METTL5: variants seen among roughly 807,000 people sequenced by gnomAD.
METTL5 encodes the protein methyltransferase 5, N6-adenosine.
Under a neutral mutation model 26.5 loss-of-function variants are expected in METTL5, and 28 were observed. That is an observed-to-expected ratio of 1.06 (90% CI 0.78 to 1.45). The LOEUF (loss-of-function observed/expected upper bound fraction) is 1.45, where lower values mean the gene tolerates loss of function less well. Ranked by LOEUF, METTL5 falls within the 40% of genes most tolerant of loss-of-function variation. The pLI, the probability that METTL5 is intolerant of heterozygous loss-of-function variation, is 0.00. For synonymous variants in METTL5, 86 were observed against 82.6 expected (o/e 1.04, Z -0.22); for missense variants, 231 against 249.9 (o/e 0.92, Z 0.51).
At chr2:169,818,289 C>G (rs1053323501) in intron 4 of METTL5, among the ~76,000 whole-genome samples, 4 of 152,198 alleles carry the variant, frequency 2.6e-5, no homozygotes, top group Non-Finnish European at 5.9e-5. Context: ...ATTCTACTGG[C>G]AGAAGACTCC....
At chr2:169,824,405 G>C in intron 1 of METTL5, 84 bp downstream of exon 1, 1 of 1,097,288 alleles carries the variant, frequency 9.1e-7, no homozygotes, top group Non-Finnish European at 1.4e-6. Flanking sequence ...GACATTCTCT[G>C]TATCCAAATA....
chr2:169,820,129 G>T (rs2081564814), intron 3 of METTL5, among the ~76,000 whole-genome samples: 1 of 152,044 alleles, frequency 6.6e-6, no homozygotes, highest in Non-Finnish European at 1.5e-5. Context: ...GGCTCATTTT[G>T]TATTTTTAGT....
intron 4 of METTL5, among the ~76,000 whole-genome samples, chr2:169,818,951 C>T (rs2081546067): frequency 6.6e-6 from 1 of 152,124 alleles, no homozygotes; most frequent in South Asian, 2.1e-4. Context: ...ATTACCTTGA[C>T]CAAGAAAACA....
rs1470555418 is a variant in METTL5 at position 169,811,800 on chromosome 2, G to T, written c.*20C>A. The T allele has an allele frequency of 1.2e-6, 2 of 1,613,510 alleles. No individual in the cohort carries two copies. Among genetic ancestry groups the T allele is most frequent in the Non-Finnish European group, 1.7e-6 (2 of 1,179,794 alleles). On this transcript the variant is annotated 3_prime_UTR_variant, in exon 7 of 7. Transcript: ENST00000260953. ...TATTCATTTTAAATAGGTTTTAAAC[G>T]ACTTTTGTTTGCGGGGCTTTTAAAA...
At chr2:169,819,163 T>C (rs749071047) in intron 4 of METTL5, among the ~76,000 whole-genome samples, 2 of 152,248 alleles carry the variant, frequency 1.3e-5, no homozygotes, top group South Asian at 2.1e-4. Context: ...CAGATCTGTT[T>C]AGCTCCAGGC....
chr2:169,824,429 TA>T, intron 1 of METTL5, 59 bp downstream of exon 1: 1 of 1,255,454 alleles, frequency 8.0e-7, no homozygotes, highest in Admixed American at 1.7e-5. Context: ...GTTCTATTTT[TA>T]TCACAGAGTA....
chr2:169,812,763 CG>C (rs1690015535), intron 5 of METTL5: 2 of 322,018 alleles, frequency 6.2e-6, no homozygotes, highest in African/African-American at 4.3e-5. Context: ...AAACAGTGGA[CG>C]AAAAAGTAAA....
rs2081554197 is a variant in METTL5, at chr2:169,819,472, TGTG to T, written c.489+86_489+88del. ...CAAAATGGTCAGGAGAAATAGATACTGTGGTATCTAGTATTCACAGCAAATCCT... is the reference window on the plus strand; with the variant it reads ...CAAAATGGTCAGGAGAAATAGATACTGTATCTAGTATTCACAGCAAATCCT... On this transcript the variant is annotated intron_variant, in intron 4 of 6. Coordinates refer to ENST00000260953, the MANE Select transcript of METTL5 (RefSeq NM_014168.4). 3 of 898,994 alleles carry T rather than the reference TGTG, an allele frequency of 3.3e-6. No homozygotes were observed. In the Admixed American group the frequency reaches 6.8e-5, roughly 20 times the overall value. 55.7% of individuals were successfully genotyped at this position (898,994 alleles called of 1,614,324 possible).
rs1407017843 is a variant in METTL5, at chr2:169,814,474, A to AAAAAAAAAAAAG, written c.541+1002_541+1003insCTTTTTTTTTTT. Reference sequence around the variant, plus strand: ...ACAGAGCAAGGCTTTGTCTCAAAAAAAAAAAAAGAAAAAAGAAAATGAAAT... The same window carrying AAAAAAAAAAAAG: ...ACAGAGCAAGGCTTTGTCTCAAAAAAAAAAAAAAAAAGAAAAAAAGAAAAAAGAAAATGAAAT... On this transcript the variant is annotated intron_variant, in intron 5 of 6. Coordinates refer to ENST00000260953, the MANE Select transcript of METTL5 (RefSeq NM_014168.4). Among the ~76,000 whole-genome samples the AAAAAAAAAAAAG allele has an allele frequency of 1.4e-4, 21 of 149,324 alleles. No individual in the cohort carries two copies. The Middle Eastern group carries it at 0.014, about 98-fold the overall frequency.
intron 3 of METTL5, among the ~76,000 whole-genome samples, chr2:169,819,954 T>C (rs546925023): frequency 7.3e-6 from 1 of 136,946 alleles, no homozygotes; most frequent in African/African-American, 2.7e-5. Flanking sequence ...CAGGGTACTT[T>C]TTAAACTATG....
intron 3 of METTL5, among the ~76,000 whole-genome samples, 191 bp downstream of exon 3, chr2:169,820,901 G>GTGTA (rs2081574684): frequency 2.0e-5 from 3 of 151,974 alleles, no homozygotes; most frequent in Admixed American, 2.0e-4. Context: ...GTGTGTGTGT[G>GTGTA]TGTGTGTGGG....
At chr2:169,816,141 G>A (rs2081502858) in intron 4 of METTL5, among the ~76,000 whole-genome samples, 1 of 152,116 alleles carries the variant, frequency 6.6e-6, no homozygotes, top group African/African-American at 2.4e-5. Context: ...GATGTGTAAT[G>A]TTCTCATATG....
intron 4 of METTL5, among the ~76,000 whole-genome samples, chr2:169,818,937 C>G (rs552219264): frequency 2.0e-5 from 3 of 152,272 alleles, no homozygotes; most frequent in Non-Finnish European, 4.4e-5. Context: ...GATGATGAAA[C>G]TCAATTACCT....
chr2:169,821,659 T>A (rs1285315496), intron 2 of METTL5, among the ~76,000 whole-genome samples: 1 of 152,220 alleles, frequency 6.6e-6, no homozygotes, highest in Admixed American at 6.5e-5. Flanking sequence ...GTGTTGGGAT[T>A]ACAGGCATGA....
intron 2 of METTL5, 125 bp downstream of exon 2, chr2:169,821,818 C>T: frequency 1.4e-6 from 1 of 707,588 alleles, no homozygotes; most frequent in Non-Finnish European, 2.3e-6. Flanking sequence ...AAAATGTATT[C>T]AGTATCAGAT....
chr2:169,813,629 C>T (rs59613355), intron 5 of METTL5, among the ~76,000 whole-genome samples: 3,463 of 150,956 alleles, frequency 0.023, 124 homozygotes, highest in African/African-American at 0.079. Context: ...CCAAGGCGGG[C>T]GGATGACCTG....
intron 1 of METTL5, 64 bp downstream of exon 1, chr2:169,824,425 T>C (rs2081625008): frequency 3.2e-6 from 4 of 1,249,694 alleles, no homozygotes; most frequent in Non-Finnish European, 3.5e-6. Flanking sequence ...AACTGTTCTA[T>C]TTTTATCACA....
At position 169,824,452 on chromosome 2, in the gene METTL5, C is replaced by CGCCGAAA. The variant is rs752004365; in HGVS notation, c.109+30_109+36dup. 3 of 1,451,970 alleles carry CGCCGAAA rather than the reference C, an allele frequency of 2.1e-6. 1 individual carries two copies. The South Asian group carries it at 3.4e-5, about 17-fold the overall frequency. The allele number at this position is 1,451,970 out of a possible 1,614,324, so 89.9% of individuals were successfully genotyped here. A position where few individuals can be genotyped will look rare whatever the true frequency, so the allele number is the denominator to read the frequency against. The stretch of plus-strand genomic sequence containing the variant: ...TTTATCACAGAGTAGACTGGACTAA[C>CGCCGAAA]GCCGAAAGCCGGGGCGTGGTGAACC... On this transcript the variant is annotated intron_variant, in intron 1 of 6. Transcript: ENST00000260953.
At chr2:169,824,367 C>G (rs1016189075) in intron 1 of METTL5, 122 bp downstream of exon 1, 1 of 762,570 alleles carries the variant, frequency 1.3e-6, no homozygotes, top group African/African-American at 1.7e-5. Flanking sequence ...TCTAACGCGA[C>G]AGGTGATCTT....
Sources: allele counts gnomAD v4.1 joint callset (sites outside exome capture counted in the v4.1 genomes callset), GRCh38; gene constraint gnomAD v4.1.1; transcripts MANE v1.5; gene names NCBI Gene and HGNC (gene_info 2026-07-23, HGNC 2026-07-21).